The following TKTL1 variants were observed in gnomAD, a reference collection of about 807,000 sequenced individuals.
TKTL1 encodes the protein transketolase-like protein 1.
In TKTL1, 1 loss-of-function variant was observed where a neutral mutation model predicts 39.3. That is an observed-to-expected ratio of 0.03 (90% CI 0.01 to 0.12). TKTL1 has a LOEUF of 0.12. Among genes scored for constraint, TKTL1 ranks in the 10% least tolerant of loss-of-function variants. The pLI is 1.00. For synonymous variants in TKTL1, 262 were observed against 193.8 expected (o/e 1.35, Z -2.92); for missense variants, 575 against 509.6 (o/e 1.13, Z -1.24).
intron 2 of TKTL1, among the ~76,000 whole-genome samples, chrX:154,308,583 G>GA (rs1437289365): frequency 6.2e-5 from 7 of 112,060 alleles, no homozygotes; most frequent in African/African-American, 2.3e-4. Flanking sequence ...AGAGGCAAGG[G>GA]ATGTTTAAGA....
chrX:154,316,115 C>T (rs996921119), intron 7 of TKTL1, among the ~76,000 whole-genome samples: 1 of 111,836 alleles, frequency 8.9e-6, no homozygotes, highest in Non-Finnish European at 1.9e-5. Context: ...CTCGCTCTGT[C>T]GCCCAGGCTG....
chrX:154,329,455 G>C (rs782344318), intron 12 of TKTL1, 61 bp from the exon 13 acceptor site: 147 of 1,124,514 alleles, frequency 1.3e-4, no homozygotes, highest in Non-Finnish European at 1.7e-4. Flanking sequence ...CCTCTATGTG[G>C]TGAGGCTTTA....
rs1041106323 is a variant in TKTL1, at chrX:154,330,181, C to G, written c.*493C>G. ...ACCTTGGGATTCTGTGTGCTGCCATCCCACCTGCAGCTGCCCTGGAATTCC... is the reference window on the plus strand; with the variant it reads ...ACCTTGGGATTCTGTGTGCTGCCATGCCACCTGCAGCTGCCCTGGAATTCC... On this transcript the variant is annotated 3_prime_UTR_variant, in exon 13 of 13. Coordinates refer to ENST00000369915, the MANE Select transcript of TKTL1 (RefSeq NM_012253.4). 4 of 115,102 alleles carry G rather than the reference C, an allele frequency of 3.5e-5. No homozygotes were observed. Among genetic ancestry groups the G allele is most frequent in the African/African-American group, 1.3e-4 (4 of 30,897 alleles). 9.5% of individuals were successfully genotyped at this position (115,102 alleles called of 1,213,427 possible). A position where few individuals can be genotyped will look rare whatever the true frequency, so the allele number is the denominator to read the frequency against.
intron 8 of TKTL1, among the ~76,000 whole-genome samples, chrX:154,322,675 T>C (rs1557171135): frequency 8.9e-6 from 1 of 111,756 alleles, no homozygotes; most frequent in East Asian, 2.8e-4. Flanking sequence ...GATTTCTCTT[T>C]CACATTTCTG....
At chrX:154,302,321 C>T (rs2067280186) in intron 1 of TKTL1, among the ~76,000 whole-genome samples, 1 of 111,330 alleles carries the variant, frequency 9.0e-6, no homozygotes, top group Non-Finnish European at 1.9e-5. Context: ...TAGGGGCACC[C>T]AAATCAGTTA....
At chrX:154,304,739 A>G (rs1485364977) in intron 1 of TKTL1, among the ~76,000 whole-genome samples, 1 of 109,904 alleles carries the variant, frequency 9.1e-6, no homozygotes, top group Non-Finnish European at 1.9e-5. Context: ...GCAGAGCTCC[A>G]GGGAGTTGGT....
intron 5 of TKTL1, 143 bp downstream of exon 5, chrX:154,311,381 C>T (rs1279708394): frequency 3.5e-6 from 3 of 854,979 alleles, no homozygotes; most frequent in East Asian, 3.2e-5. Flanking sequence ...TTGGAGGCTC[C>T]TGCTCTCTTA....
At chrX:154,301,606 T>A (rs956874881) in intron 1 of TKTL1, among the ~76,000 whole-genome samples, 1 of 112,611 alleles carries the variant, frequency 8.9e-6, no homozygotes, top group African/African-American at 3.2e-5. Context: ...TATGTCTGAA[T>A]TTTTTGTACA....
At chrX:154,302,981 C>G (rs1454202912) in intron 1 of TKTL1, among the ~76,000 whole-genome samples, 3 of 110,345 alleles carry the variant, frequency 2.7e-5, no homozygotes, top group African/African-American at 9.9e-5. Context: ...GAGCGTGGCC[C>G]TGCTGCCACC....
In TKTL1 at chrX:154,312,559, CTTTTG is replaced by C. The variant is rs1484611307; in HGVS notation, c.671-17_671-13del. 2.5e-6 allele frequency: 3 copies of C among 1,192,842 alleles called. No individual in the cohort carries two copies. The highest frequency in any genetic ancestry group is 3.4e-6 in the Non-Finnish European group (3 of 885,187). ...CACTAAATATTTATGGAATGGATGT[CTTTTG>C]TTTGTTTCATTACAGGTATTGAGGA... On this transcript the variant is annotated splice_polypyrimidine_tract_variant and intron_variant, in intron 5 of 12. Coordinates refer to ENST00000369915, the MANE Select transcript of TKTL1 (RefSeq NM_012253.4).
intron 8 of TKTL1, among the ~76,000 whole-genome samples, chrX:154,322,268 A>C (rs1273846149): frequency 1.9e-5 from 2 of 104,601 alleles, no homozygotes; most frequent in African/African-American, 7.0e-5. Context: ...GCGGTGGCTC[A>C]CACCTGTAAT....
At chrX:154,320,125 CAG>C (rs1252447182) in intron 7 of TKTL1, among the ~76,000 whole-genome samples, 1 of 112,272 alleles carries the variant, frequency 8.9e-6, no homozygotes, top group Non-Finnish European at 1.9e-5. Flanking sequence ...GCCTTGAGAT[CAG>C]GGGCCAAGTC....
At chrX:154,298,645 T>C (rs2067248825) in intron 1 of TKTL1, among the ~76,000 whole-genome samples, 1 of 111,141 alleles carries the variant, frequency 9.0e-6, no homozygotes, top group African/African-American at 3.3e-5. Context: ...CAGTGAGCCA[T>C]GTTTGTGCCC....
At chrX:154,296,463 AT>A (rs1183003276) in intron 1 of TKTL1, among the ~76,000 whole-genome samples, 1 of 111,119 alleles carries the variant, frequency 9.0e-6, no homozygotes, top group Non-Finnish European at 1.9e-5. Flanking sequence ...AGCAATTAAA[AT>A]TCCAGCCTGG....
chrX:154,297,798 G>A (rs782064962), intron 1 of TKTL1, among the ~76,000 whole-genome samples: 4 of 111,240 alleles, frequency 3.6e-5, no homozygotes, highest in Non-Finnish European at 7.5e-5. Flanking sequence ...TTAGCTGGGC[G>A]TGGTGGCACG....
In TKTL1 at chrX:154,296,033, C is replaced by T. The variant is rs369816544; in HGVS notation, c.134+40C>T. On this transcript the variant is annotated intron_variant, in intron 1 of 12. Transcript: ENST00000369915. ...TTGAAGTCTGGGTCATGCAGGGCCA[C>T]GGGCCCGGTGGCTTCAGGCCTGGTG... 9 of 1,197,944 alleles carry T rather than the reference C, an allele frequency of 7.5e-6. No individual in the cohort carries two copies. In the East Asian group the frequency reaches 1.2e-4, roughly 16 times the overall value.
rs370800059 is a variant in TKTL1, at chrX:154,305,455, G to A, written c.252+34G>A. On this transcript the variant is annotated intron_variant, in intron 2 of 12. Transcript: ENST00000369915. The stretch of plus-strand genomic sequence containing the variant: ...GTGGGGAGCCCAGGGCTGCTGTGGC[G>A]CCTGCTGGTTAAGCCCAGTTTGAAC... 125 of 1,189,399 alleles carry A rather than the reference G, an allele frequency of 1.1e-4. 1 individual carries two copies. In the East Asian group the frequency reaches 1.4e-3, roughly 13 times the overall value.
chrX:154,311,585 C>G (rs781894798), intron 5 of TKTL1, among the ~76,000 whole-genome samples: 1 of 110,804 alleles, frequency 9.0e-6, no homozygotes, highest in African/African-American at 3.3e-5. Context: ...AGAGTGCATA[C>G]CTACACACGT....
chrX:154,325,454 T>C (rs782162062), intron 10 of TKTL1, 32 bp downstream of exon 10: 9 of 1,107,253 alleles, frequency 8.1e-6, no homozygotes, highest in Non-Finnish European at 1.1e-5. Context: ...CGTTATTCAG[T>C]ATCATCTCCT....
Sources: allele counts gnomAD v4.1 joint callset (sites outside exome capture counted in the v4.1 genomes callset), GRCh38; gene constraint gnomAD v4.1.1; transcripts MANE v1.5; gene names NCBI Gene and HGNC (gene_info 2026-07-23, HGNC 2026-07-21).